Variants in RBMS2 observed in about 807,000 individuals in gnomAD.
RBMS2 encodes RNA binding motif single stranded interacting protein 2.
In RBMS2, 38 loss-of-function variants were observed where a neutral mutation model predicts 58.4. The observed-to-expected ratio is 0.65, with a 90% CI of 0.50 to 0.85. The LOEUF (loss-of-function observed/expected upper bound fraction) is 0.85, where lower values mean the gene tolerates loss of function less well. Ranked by LOEUF, RBMS2 falls within the 40% of genes least tolerant of loss-of-function variation. The probability of loss-of-function intolerance (pLI) is 0.00; values close to 1 mark genes in which losing one functional copy is unlikely to be tolerated. For synonymous variants in RBMS2, 151 were observed against 180.7 expected, an observed-to-expected ratio of 0.84 and a Z score of 1.32; for missense variants, 367 against 503.7, an observed-to-expected ratio of 0.73 and a Z score of 2.60.
chr12:56,573,985 C>T (rs1374932977), intron 5 of RBMS2, among the ~76,000 whole-genome samples: 1 of 152,006 alleles, frequency 6.6e-6, no homozygotes, highest in Non-Finnish European at 1.5e-5. Context: ...GGATTACAGG[C>T]GCCCGCCACC....
chr12:56,563,498 C>A (rs549073012), intron 2 of RBMS2, among the ~76,000 whole-genome samples: 6 of 152,272 alleles, frequency 3.9e-5, no homozygotes, highest in African/African-American at 1.4e-4. Flanking sequence ...TCTGTATCTA[C>A]CCCATGAAGA....
chr12:56,527,736 T>A (rs1872922779), intron 1 of RBMS2: 1 of 151,640 alleles, frequency 6.6e-6, no homozygotes, highest in South Asian at 2.1e-4. Flanking sequence ...TTTCCTTATC[T>A]TCCCCATCCC....
intron 9 of RBMS2, among the ~76,000 whole-genome samples, chr12:56,584,462 A>G (rs1301690015): frequency 2.6e-5 from 4 of 151,096 alleles, no homozygotes; most frequent in Admixed American, 1.3e-4. Context: ...TAAAATTTCT[A>G]TATAGTTAAA....
chr12:56,541,629 A>G (rs7309685), intron 1 of RBMS2, among the ~76,000 whole-genome samples: 50,728 of 152,136 alleles, frequency 0.33, 8,647 homozygotes, highest in South Asian at 0.52. Context: ...GGGCTAGTAG[A>G]TGTTCTAATA....
Position 56,569,960 on chromosome 12 carries a change from G to A in RBMS2, c.354G>A (p.Lys118=). ...CACAGAAAGCTGTAACAGCACTGAA[G>A]GCCAGCGGTGTACAGGCACAGATGG... ...SAAQKAVTAL[K]ASGVQAQMAK... Residue 118 remains lysine (K), a synonymous_variant, in exon 4 of 14, where the codon AAG becomes AAA. Transcript: ENST00000262031. The A allele has an allele frequency of 6.2e-7, 1 of 1,613,772 alleles. No homozygotes were observed. Among genetic ancestry groups the A allele is most frequent in the South Asian group, 1.1e-5 (1 of 91,070 alleles).
At chr12:56,581,790 A>G in intron 7 of RBMS2, 43 bp from the exon 8 acceptor site, 2 of 1,608,404 alleles carry the variant, frequency 1.2e-6, no homozygotes, top group Non-Finnish European at 1.7e-6. Flanking sequence ...TCCTATTCTC[A>G]CTCAAGGGCT....
chr12:56,592,394 C>T lies in RBMS2; in HGVS notation c.*3261C>T, dbSNP rs1303945108. Reference sequence around the variant, plus strand: ...TAGCCATCTCCTATCGGTGTTATTACTCCTCATCTCAGGCTCTGAGATGAT... The same window carrying T: ...TAGCCATCTCCTATCGGTGTTATTATTCCTCATCTCAGGCTCTGAGATGAT... On this transcript the variant is annotated 3_prime_UTR_variant, in exon 14 of 14. Transcript: ENST00000262031. 6.6e-6 allele frequency: 1 copy of T among 152,212 alleles called. No individual in the cohort carries two copies. The highest frequency in any genetic ancestry group is 1.9e-4 in the East Asian group (1 of 5,198). 9.4% of individuals were successfully genotyped at this position (152,212 alleles called of 1,614,324 possible).
intron 10 of RBMS2, among the ~76,000 whole-genome samples, chr12:56,587,171 A>G (rs940504906): frequency 3.3e-5 from 5 of 151,848 alleles, no homozygotes; most frequent in African/African-American, 7.3e-5. Context: ...GGAGGCTGAT[A>G]CAGGAGAATT....
intron 1 of RBMS2, among the ~76,000 whole-genome samples, chr12:56,549,549 C>A (rs190495763): frequency 6.6e-6 from 1 of 152,010 alleles, no homozygotes; most frequent in East Asian, 1.9e-4. Context: ...CAGGGGAATT[C>A]GATTTTTCTT....
Position 56,595,246 on chromosome 12 carries a change from T to C in RBMS2, c.*6113T>C, listed in dbSNP as rs1421487945. The C allele has an allele frequency of 6.6e-6, 1 of 152,224 alleles. No homozygotes were observed. The highest frequency in any genetic ancestry group is 1.5e-5 in the Non-Finnish European group (1 of 68,038). 9.4% of individuals were successfully genotyped at this position (152,224 alleles called of 1,614,324 possible). ...AGGCTGGAAGCGAATGTTCCTTTTC[T>C]ACCTTAACATACAGTTTAGGGGGTT... On this transcript the variant is annotated 3_prime_UTR_variant, in exon 14 of 14. Transcript: ENST00000262031.
chr12:56,574,990 T>C (rs1882893098), intron 5 of RBMS2, among the ~76,000 whole-genome samples: 1 of 148,672 alleles, frequency 6.7e-6, no homozygotes, highest in Non-Finnish European at 1.5e-5. Context: ...CTACTAAAAA[T>C]ACAAAAAATT....
intron 5 of RBMS2, among the ~76,000 whole-genome samples, chr12:56,572,538 A>C (rs1882481291): frequency 6.6e-6 from 1 of 152,048 alleles, no homozygotes; most frequent in Non-Finnish European, 1.5e-5. Flanking sequence ...TTGTTCCTTT[A>C]ATCCAGACCC....
chr12:56,581,779 C>G, intron 7 of RBMS2, 54 bp from the exon 8 acceptor site: 1 of 1,593,158 alleles, frequency 6.3e-7, no homozygotes, highest in Non-Finnish European at 8.6e-7. Flanking sequence ...TCTGGGCCAG[C>G]TCCTATTCTC....
intron 1 of RBMS2, among the ~76,000 whole-genome samples, chr12:56,557,435 G>A (rs11171894): frequency 0.51 from 77,792 of 151,870 alleles, 22,615 homozygotes; most frequent in East Asian, 0.7. Flanking sequence ...GAAGGTACGT[G>A]AGAATAGCAA....
intron 1 of RBMS2, among the ~76,000 whole-genome samples, chr12:56,553,458 A>T (rs1878650949): frequency 6.6e-6 from 1 of 151,988 alleles, no homozygotes; most frequent in East Asian, 1.9e-4. Flanking sequence ...CCTCCCCAGT[A>T]CTAAGATTAT....
chr12:56,553,411 C>T (rs1388398173), intron 1 of RBMS2, among the ~76,000 whole-genome samples: 1 of 152,078 alleles, frequency 6.6e-6, no homozygotes, highest in African/African-American at 2.4e-5. Flanking sequence ...TCACTACAAC[C>T]TCCGCCTCCC....
chr12:56,573,123 A>G (rs560131717), intron 5 of RBMS2: 19 of 978,116 alleles, frequency 1.9e-5, no homozygotes, highest in Admixed American at 6.5e-5. Flanking sequence ...TTTGCTTTAT[A>G]TCTTGTCTGG....
chr12:56,569,814 ACT>A, intron 3 of RBMS2, 83 bp from the exon 4 acceptor site: 2 of 1,162,556 alleles, frequency 1.7e-6, no homozygotes, highest in Non-Finnish European at 1.3e-6. Flanking sequence ...ATGGATCATA[ACT>A]CTTCCTCTGT....
At position 56,587,564 on chromosome 12, in the gene RBMS2, T is replaced by C; in HGVS notation, c.962T>C (p.Leu321Pro). ...SYLMQPSGSV[L>P]TPGMDHPISL... ...TGTTGCTGCCTCTAGGGTTCAGTTC[T>C]GACACCAGGGATGGACCATCCCATT... is the stretch of plus-strand genomic sequence containing the variant. The change falls in exon 11 of 14, where the codon CTG (leucine) becomes CCG (proline). Residue 321 changes from leucine to proline, a missense_variant. This residue lies in a region of RBMS2 where 220 missense variants were observed against 261.1 expected (regional missense o/e 0.84). Coordinates refer to ENST00000262031, the MANE Select transcript of RBMS2 (RefSeq NM_002898.4). The C allele has an allele frequency of 6.2e-7, 1 of 1,613,830 alleles. No homozygotes were observed. Among genetic ancestry groups the C allele is most frequent in the South Asian group, 1.1e-5 (1 of 91,024 alleles).
Sources: allele counts gnomAD v4.1 joint callset (sites outside exome capture counted in the v4.1 genomes callset), GRCh38; gene constraint gnomAD v4.1.1; regional missense constraint gnomAD v4.1.1; transcripts MANE v1.5; gene names NCBI Gene and HGNC (gene_info 2026-07-23, HGNC 2026-07-21).